NEK10: variants seen among roughly 807,000 people sequenced by gnomAD.
NEK10 encodes NIMA related kinase 10.
In NEK10, 122 loss-of-function variants were observed where a neutral mutation model predicts 159.8. The observed-to-expected ratio is 0.76, with a 90% confidence interval of 0.66 to 0.89. NEK10 has a LOEUF of 0.89. NEK10 is among the 40% of genes least tolerant of loss of function. The probability of loss-of-function intolerance (pLI) is 0.00; values close to 1 mark genes in which losing one functional copy is unlikely to be tolerated. For synonymous variants in NEK10, 466 were observed against 457.1 expected, an observed-to-expected ratio of 1.02 and a Z score of -0.25; for missense variants, 1,342 against 1,323.1, an observed-to-expected ratio of 1.01 and a Z score of -0.22.
At position 27,284,673 on chromosome 3, in the gene NEK10, T is replaced by G; in HGVS notation, c.1943A>C (p.Glu648Ala). The change falls in exon 22 of 36, where the codon GAG (glutamate) becomes GCG (alanine). Residue 648 changes from glutamate (E) to alanine (A), a missense_variant. Coordinates refer to ENST00000691995, the MANE Select transcript of NEK10 (RefSeq NM_001394966.1). The part of the protein sequence containing the change: ...LCLALRYLHK[E>A]KRIVHRDLTP... ...CAGATCTCTATGGACAATCCTCTTCTCCTTGTGTAAGTATCGAAGAGCTAA... is the reference window on the plus strand; with the variant it reads ...CAGATCTCTATGGACAATCCTCTTCGCCTTGTGTAAGTATCGAAGAGCTAA... 1 of 1,610,522 alleles carries G rather than the reference T, an allele frequency of 6.2e-7. No individual in the cohort carries two copies. Among genetic ancestry groups the G allele is most frequent in the Non-Finnish European group, 8.5e-7 (1 of 1,176,768 alleles).
chr3:27,305,693 ATTC>A (rs1315304947), intron 11 of NEK10, among the ~76,000 whole-genome samples: 1 of 152,146 alleles, frequency 6.6e-6, no homozygotes, highest in Non-Finnish European at 1.5e-5. Flanking sequence ...AAAATAAGAC[ATTC>A]TTAGAAAATG....
intron 31 of NEK10, among the ~76,000 whole-genome samples, chr3:27,140,730 T>A (rs576517830): frequency 9.2e-5 from 14 of 152,318 alleles, no homozygotes; most frequent in African/African-American, 3.4e-4. Flanking sequence ...GCAATGTTTA[T>A]GTTTTGCTCG....
At chr3:27,296,260 T>A (rs2043346980) in intron 14 of NEK10, among the ~76,000 whole-genome samples, 1 of 152,172 alleles carries the variant, frequency 6.6e-6, no homozygotes, top group Admixed American at 6.5e-5. Flanking sequence ...TGCAAAGAGC[T>A]TTATTTGCCT....
chr3:27,285,890 T>C (rs2042558187), intron 20 of NEK10, among the ~76,000 whole-genome samples: 1 of 152,286 alleles, frequency 6.6e-6, no homozygotes, highest in African/African-American at 2.4e-5. Context: ...ATACCATAAT[T>C]TATTTAATCA....
chr3:27,188,440 T>G (rs1422207468), intron 26 of NEK10, among the ~76,000 whole-genome samples: 2 of 152,242 alleles, frequency 1.3e-5, no homozygotes, highest in African/African-American at 4.8e-5. Context: ...CCTTCATTAT[T>G]AATTATATAC....
At chr3:27,300,983 C>T (rs937944526) in intron 13 of NEK10, among the ~76,000 whole-genome samples, 2 of 152,176 alleles carry the variant, frequency 1.3e-5, no homozygotes, top group African/African-American at 4.8e-5. Context: ...CTCATTCCCT[C>T]TCCTGCAGTC....
intron 7 of NEK10, among the ~76,000 whole-genome samples, chr3:27,313,988 A>G (rs995134183): frequency 1.3e-5 from 2 of 152,206 alleles, no homozygotes; most frequent in African/African-American, 4.8e-5. Context: ...CGAGGATTAC[A>G]GGTGTGAGCC....
chr3:27,195,853 T>C lies in NEK10; in HGVS notation c.2292-3611A>G, dbSNP rs531338918. Among the ~76,000 whole-genome samples the C allele has an allele frequency of 5.4e-4, 83 of 152,338 alleles. 1 individual carries two copies. Among genetic ancestry groups the C allele is most frequent in the Middle Eastern group, 3.4e-3 (1 of 294 alleles). ...AATTTGCTTTATAAACTTCATTCTGTACATAATACAATATCATTATTAATA... is the reference window on the plus strand; with the variant it reads ...AATTTGCTTTATAAACTTCATTCTGCACATAATACAATATCATTATTAATA... On this transcript the variant is annotated intron_variant, in intron 25 of 35. Coordinates refer to ENST00000691995, the MANE Select transcript of NEK10 (RefSeq NM_001394966.1).
At chr3:27,254,467 C>A (rs1350629584) in intron 23 of NEK10, among the ~76,000 whole-genome samples, 1 of 152,186 alleles carries the variant, frequency 6.6e-6, no homozygotes, top group Non-Finnish European at 1.5e-5. Context: ...CCAGATTCTG[C>A]TTTTGGAGAA....
chr3:27,172,751 T>C (rs1282871533), intron 28 of NEK10, among the ~76,000 whole-genome samples: 1 of 152,060 alleles, frequency 6.6e-6, no homozygotes, highest in East Asian at 1.9e-4. Flanking sequence ...GGTACAAATA[T>C]ATTATATATC....
At chr3:27,176,594 A>C (rs1334622591) in intron 26 of NEK10, among the ~76,000 whole-genome samples, 2 of 152,158 alleles carry the variant, frequency 1.3e-5, no homozygotes, top group Non-Finnish European at 2.9e-5. Flanking sequence ...TTCCATGCCT[A>C]CCTCTTTTCT....
chr3:27,291,246 C>T lies in NEK10; in HGVS notation c.1605+16G>A. Reference sequence around the variant, plus strand: ...TGGTTGGGAGTATCAGAAATGTTCCCCAAGGGGAAAGTCACCTTGTAAACA... The same window carrying T: ...TGGTTGGGAGTATCAGAAATGTTCCTCAAGGGGAAAGTCACCTTGTAAACA... On this transcript the variant is annotated intron_variant, in intron 18 of 35. Coordinates refer to ENST00000691995, the MANE Select transcript of NEK10 (RefSeq NM_001394966.1). 1 of 1,607,308 alleles carries T rather than the reference C, an allele frequency of 6.2e-7. No homozygotes were observed.
At chr3:27,150,457 G>A (rs1944719326) in intron 30 of NEK10, among the ~76,000 whole-genome samples, 1 of 152,100 alleles carries the variant, frequency 6.6e-6, no homozygotes, top group Non-Finnish European at 1.5e-5. Flanking sequence ...AAAAATACTA[G>A]AGCCCTTAAG....
At chr3:27,138,379 A>G (rs1943438140) in intron 31 of NEK10, among the ~76,000 whole-genome samples, 1 of 152,218 alleles carries the variant, frequency 6.6e-6, no homozygotes, top group Non-Finnish European at 1.5e-5. Context: ...TTTCTCCAGT[A>G]TAGCACCTTA....
At chr3:27,306,589 T>A (rs2044260950) in intron 11 of NEK10, among the ~76,000 whole-genome samples, 1 of 152,224 alleles carries the variant, frequency 6.6e-6, no homozygotes, top group African/African-American at 2.4e-5. Context: ...GCTTAAAATG[T>A]TCCCATGAGT....
chr3:27,188,514 C>T (rs796867217), intron 26 of NEK10, among the ~76,000 whole-genome samples: 1 of 152,158 alleles, frequency 6.6e-6, no homozygotes, highest in Non-Finnish European at 1.5e-5. Flanking sequence ...CCAAACTGAA[C>T]AAACTTATTA....
At chr3:27,368,217 G>C (rs535801771) in intron 1 of NEK10, among the ~76,000 whole-genome samples, 3 of 152,176 alleles carry the variant, frequency 2.0e-5, no homozygotes, top group African/African-American at 7.2e-5. Flanking sequence ...GGTTGAACCC[G>C]GAAGGCGGAG....
rs149310663 is a variant in NEK10, at chr3:27,148,030, T to C, written c.2870-6448A>G. On this transcript the variant is annotated intron_variant, in intron 30 of 35. Coordinates refer to ENST00000691995, the MANE Select transcript of NEK10 (RefSeq NM_001394966.1). ...CAATATAAAAAATAATAAGTAGTTA[T>C]ATAAACAGAAAAATTTTTAATTGAC... Among the ~76,000 whole-genome samples, 146 of 152,340 alleles carry C rather than the reference T, an allele frequency of 9.6e-4. 1 individual carries two copies. Among genetic ancestry groups the C allele is most frequent in the African/African-American group, 3.4e-3 (141 of 41,580 alleles).
chr3:27,176,490 G>A lies in NEK10; in HGVS notation c.2506-1657C>T, dbSNP rs1269375740. On this transcript the variant is annotated intron_variant, in intron 26 of 35. Transcript: ENST00000691995. ...CCTAAGGCTAGTATCGGGCTTCTAA[G>A]TCCAGCCTCAGCTCTGCCACACTCA... 6.0e-4 allele frequency among the ~76,000 whole-genome samples: 91 copies of A among 152,178 alleles called. 2 individuals are homozygous for A. The highest frequency in any genetic ancestry group is 6.0e-3 in the Admixed American group (91 of 15,278).
Sources: allele counts gnomAD v4.1 joint callset (sites outside exome capture counted in the v4.1 genomes callset), GRCh38; gene constraint gnomAD v4.1.1; transcripts MANE v1.5; gene names NCBI Gene and HGNC (gene_info 2026-07-23, HGNC 2026-07-21).